DIAPH2: variants seen among roughly 807,000 people sequenced by gnomAD.
DIAPH2 encodes the protein diaphanous related formin 2.
A neutral mutation model predicts 92.7 loss-of-function variants in DIAPH2; 35 were observed. That is an observed-to-expected ratio of 0.38 (90% CI 0.29 to 0.50). DIAPH2 has a LOEUF of 0.50. DIAPH2 is among the 20% of genes least tolerant of loss of function. The pLI is 0.94. For missense variants in DIAPH2, 701 were observed against 819.5 expected, an observed-to-expected ratio of 0.86 and a Z score of 1.77; for synonymous variants, 301 against 280.4, an observed-to-expected ratio of 1.07 and a Z score of -0.73.
At chrX:97,585,349 C>A (rs954668750) in intron 26 of DIAPH2, among the ~76,000 whole-genome samples, 1 of 107,173 alleles carries the variant, frequency 9.3e-6, no homozygotes, top group Non-Finnish European at 1.9e-5. Flanking sequence ...AGAACAGAAA[C>A]TTACTCTGGA....
intron 17 of DIAPH2, among the ~76,000 whole-genome samples, chrX:97,054,372 G>A (rs1182681287): frequency 8.9e-6 from 1 of 111,758 alleles, no homozygotes; most frequent in African/African-American, 3.2e-5. Flanking sequence ...AGATATTGCT[G>A]ATGGCTTTGA....
chrX:97,417,393 CACACAT>C (rs1317701509), intron 25 of DIAPH2, among the ~76,000 whole-genome samples: 3 of 109,145 alleles, frequency 2.7e-5, no homozygotes, highest in Admixed American at 9.7e-5. Context: ...CACACACACA[CACACAT>C]ACACACACAC....
chrX:97,017,781 A>G (rs1027439430), intron 17 of DIAPH2, among the ~76,000 whole-genome samples: 2 of 112,061 alleles, frequency 1.8e-5, no homozygotes, highest in Admixed American at 9.5e-5. Flanking sequence ...AAAAGAAATT[A>G]CCTGACTGCC....
chrX:97,274,633 G>GT lies in DIAPH2; in HGVS notation c.2844+26804dup, dbSNP rs201519172. Among the ~76,000 whole-genome samples the GT allele has an allele frequency of 7.3e-3, 736 of 100,940 alleles. 2 individuals carry two copies. Among genetic ancestry groups the GT allele is most frequent in the East Asian group, 0.03 (96 of 3,220 alleles). The allele number at this position is 100,940 out of a possible 115,157, so 87.7% of individuals were successfully genotyped here. A position where few individuals can be genotyped will look rare whatever the true frequency, so the allele number is the denominator to read the frequency against. On this transcript the variant is annotated intron_variant, in intron 23 of 26. Coordinates refer to ENST00000324765, the MANE Select transcript of DIAPH2 (RefSeq NM_006729.5). Reference sequence around the variant, plus strand: ...ATTTTTCAGCACAAGTTTTTTTTTTGTTTTTTTTTTGTTTTTTTGTTTGTT... The same window carrying GT: ...ATTTTTCAGCACAAGTTTTTTTTTTGTTTTTTTTTTTGTTTTTTTGTTTGTT...
chrX:97,401,664 A>G (rs1338203146), intron 25 of DIAPH2, among the ~76,000 whole-genome samples: 2 of 111,760 alleles, frequency 1.8e-5, no homozygotes, highest in East Asian at 5.6e-4. Flanking sequence ...CTCTAAACCC[A>G]CTGAATAAGA....
chrX:97,326,659 G>T (rs780067081), intron 23 of DIAPH2, among the ~76,000 whole-genome samples: 1 of 112,471 alleles, frequency 8.9e-6, no homozygotes, highest in Non-Finnish European at 1.9e-5. Flanking sequence ...TAGCATCAAA[G>T]GAAAGCAAGT....
chrX:96,989,575 T>G (rs1415803742), intron 17 of DIAPH2, among the ~76,000 whole-genome samples: 1 of 112,110 alleles, frequency 8.9e-6, no homozygotes, highest in Non-Finnish European at 1.9e-5. Context: ...ACCTCATTTA[T>G]GAAAGTGTTG....
At position 96,987,508 on chromosome X, in the gene DIAPH2, T is replaced by C. The variant is rs767655192; in HGVS notation, c.2050+22301T>C. 3.6e-5 allele frequency among the ~76,000 whole-genome samples: 4 copies of C among 111,688 alleles called. No homozygotes were observed. In the East Asian group the frequency reaches 1.1e-3, roughly 31 times the overall value. ...CTTGTTTTGCCATGCTAGTATCTCT[T>C]TCTTTCTGTATTTTAGGCCCTGCTT... On this transcript the variant is annotated intron_variant, in intron 17 of 26. Transcript: ENST00000324765.
chrX:96,993,332 G>A (rs1049262671), intron 17 of DIAPH2, among the ~76,000 whole-genome samples: 6 of 112,102 alleles, frequency 5.4e-5, no homozygotes, highest in Admixed American at 3.8e-4. Flanking sequence ...GAGAGGATGT[G>A]TATTAGTTCG....
chrX:97,393,639 TA>T (rs934417051), intron 25 of DIAPH2, among the ~76,000 whole-genome samples: 21 of 111,383 alleles, frequency 1.9e-4, no homozygotes, highest in African/African-American at 6.5e-4. Flanking sequence ...TAGGGACCAC[TA>T]AAAAAAAGAT....
intron 22 of DIAPH2, among the ~76,000 whole-genome samples, chrX:97,176,524 G>A (rs979012295): frequency 9.1e-6 from 1 of 109,857 alleles, no homozygotes; most frequent in East Asian, 2.8e-4. Context: ...GTTTTGTTTT[G>A]TTTTGTTTTG....
intron 4 of DIAPH2, among the ~76,000 whole-genome samples, chrX:96,761,255 T>G: frequency 9.0e-6 from 1 of 111,148 alleles, no homozygotes. Context: ...GGGATTGGTT[T>G]ATTTTGAATT....
chrX:97,285,255 T>C (rs1180915117), intron 23 of DIAPH2, among the ~76,000 whole-genome samples: 1 of 107,813 alleles, frequency 9.3e-6, no homozygotes, highest in Non-Finnish European at 1.9e-5. Flanking sequence ...GATTCAGTTA[T>C]GGGGCCGGGC....
chrX:96,849,180 T>C (rs2064991678), intron 4 of DIAPH2, among the ~76,000 whole-genome samples: 1 of 111,711 alleles, frequency 9.0e-6, no homozygotes, highest in African/African-American at 3.3e-5. Flanking sequence ...TATTTACTTA[T>C]TTAGAGACAG....
At chrX:97,505,015 G>A (rs977725694) in intron 26 of DIAPH2, among the ~76,000 whole-genome samples, 1 of 112,094 alleles carries the variant, frequency 8.9e-6, no homozygotes, top group Admixed American at 9.5e-5. Context: ...CAAATGCCAG[G>A]ATACCATTTT....
intron 23 of DIAPH2, among the ~76,000 whole-genome samples, chrX:97,284,168 A>G (rs1287788851): frequency 1.8e-5 from 2 of 111,716 alleles, no homozygotes; most frequent in African/African-American, 6.5e-5. Context: ...ATATTTTTTT[A>G]GTATTTTAAT....
intron 25 of DIAPH2, 62 bp downstream of exon 25, chrX:97,384,106 A>C (rs2069576968): frequency 1.0e-6 from 1 of 956,152 alleles, no homozygotes; most frequent in African/African-American, 2.0e-5. Flanking sequence ...GCAGTTATTT[A>C]TTTTTGGATT....
chrX:96,853,931 A>G (rs910393015), intron 4 of DIAPH2, among the ~76,000 whole-genome samples: 2 of 111,882 alleles, frequency 1.8e-5, no homozygotes, highest in African/African-American at 3.2e-5. Flanking sequence ...ACTTTTGACA[A>G]CTACGTAAAG....
chrX:96,818,367 T>C (rs1369796165), intron 4 of DIAPH2, among the ~76,000 whole-genome samples: 1 of 111,011 alleles, frequency 9.0e-6, no homozygotes, highest in Non-Finnish European at 1.9e-5. Flanking sequence ...GCAAAACCAT[T>C]ACCCAGCAAC....
Sources: gnomAD v4.1 joint callset for allele counts (sites outside exome capture counted in the v4.1 genomes callset) on GRCh38, gnomAD v4.1.1 for gene constraint, MANE v1.5 for transcripts, NCBI Gene and HGNC (gene_info 2026-07-23, HGNC 2026-07-21) for gene names.